Variants in TENM3 observed in about 807,000 individuals in gnomAD.
TENM3 encodes the protein teneurin transmembrane protein 3.
TENM3 carries 63 observed loss-of-function variants against 255.1 expected under a neutral mutation model. The ratio of observed to expected loss-of-function variants is 0.25; its 90% CI spans 0.20 to 0.30. The LOEUF (loss-of-function observed/expected upper bound fraction) is 0.30. TENM3 is among the 10% of genes least tolerant of loss of function. The pLI is 1.00. For missense variants in TENM3, 2,929 were observed against 3,461.1 expected (o/e 0.85, Z 3.86); for synonymous variants, 1,306 against 1,322.3 (o/e 0.99, Z 0.27).
chr4:181,549,968 G>T, the TENM3 span, among the ~76,000 whole-genome samples: 1 of 151,996 alleles, frequency 6.6e-6, no homozygotes, highest in African/African-American at 2.4e-5. Context: ...AAGATATAAT[G>T]GGTATAATGT....
At chr4:182,750,832 G>A (rs1003252000) in intron 19 of TENM3, among the ~76,000 whole-genome samples, 1 of 152,102 alleles carries the variant, frequency 6.6e-6, no homozygotes, top group African/African-American at 2.4e-5. Context: ...CGTCTTGGTT[G>A]GGACACCAAA....
At chr4:182,283,198 T>G (rs1378089910) in intron 1 of TENM3, among the ~76,000 whole-genome samples, 3 of 152,238 alleles carry the variant, frequency 2.0e-5, no homozygotes, top group African/African-American at 4.8e-5. Flanking sequence ...TGTGTAATAA[T>G]TACATGAATC....
intron 5 of TENM3, among the ~76,000 whole-genome samples, chr4:182,644,643 T>A (rs1752583008): frequency 6.6e-6 from 1 of 152,356 alleles, no homozygotes; most frequent in East Asian, 1.9e-4. Context: ...ATTTTACTGA[T>A]AAATCTTTAT....
the TENM3 span, among the ~76,000 whole-genome samples, chr4:181,620,272 A>AAAAAT: frequency 3.2e-3 from 345 of 109,098 alleles, 2 homozygotes; most frequent in African/African-American, 5.8e-3. Context: ...AAATAAAAAT[A>AAAAAT]AAAATAAAAT....
chr4:181,449,519 C>T, the TENM3 span, among the ~76,000 whole-genome samples: 2 of 152,192 alleles, frequency 1.3e-5, no homozygotes, highest in African/African-American at 4.8e-5. Context: ...TGTGGTGGCT[C>T]ACGCCTGTAA....
At chr4:181,627,811 C>T in the TENM3 span, among the ~76,000 whole-genome samples, 2 of 152,146 alleles carry the variant, frequency 1.3e-5, no homozygotes, top group Non-Finnish European at 2.9e-5. Flanking sequence ...GTGCATGTGC[C>T]ATTATGGCAG....
At chr4:181,484,067 T>G in the TENM3 span, among the ~76,000 whole-genome samples, 1 of 152,102 alleles carries the variant, frequency 6.6e-6, no homozygotes, top group African/African-American at 2.4e-5. Flanking sequence ...ACGATCTGAC[T>G]TGTGCTAAGA....
the TENM3 span, among the ~76,000 whole-genome samples, chr4:181,740,915 A>C: frequency 6.6e-6 from 1 of 152,348 alleles, no homozygotes; most frequent in Non-Finnish European, 1.5e-5. Flanking sequence ...CCCACTTAAA[A>C]AGAAAACCGT....
chr4:181,988,061 C>T, the TENM3 span, among the ~76,000 whole-genome samples: 3 of 151,888 alleles, frequency 2.0e-5, no homozygotes, highest in African/African-American at 7.3e-5. Context: ...ATTAAAACTC[C>T]CAGCCCAATT....
the TENM3 span, among the ~76,000 whole-genome samples, chr4:181,986,485 G>A: frequency 2.0e-4 from 30 of 152,084 alleles, no homozygotes; most frequent in South Asian, 2.7e-3. Context: ...TAGTGTTTCC[G>A]CATGATAATT....
At chr4:181,769,307 G>A in the TENM3 span, among the ~76,000 whole-genome samples, 5 of 152,146 alleles carry the variant, frequency 3.3e-5, no homozygotes, top group African/African-American at 7.2e-5. Context: ...TTCAGCTTCC[G>A]CATGCAAAGG....
At chr4:182,192,748 A>G (rs1753600190) in intron 1 of TENM3, among the ~76,000 whole-genome samples, 1 of 152,204 alleles carries the variant, frequency 6.6e-6, no homozygotes, top group Admixed American at 6.5e-5. Context: ...GGATGCAACC[A>G]ATCTAAATTG....
chr4:181,624,297 A>G, the TENM3 span, among the ~76,000 whole-genome samples: 6 of 152,232 alleles, frequency 3.9e-5, no homozygotes, highest in Non-Finnish European at 7.3e-5. Context: ...AAATGAAAAG[A>G]GAAAGGCGAA....
chr4:182,405,009 G>T (rs1769462975), intron 3 of TENM3, among the ~76,000 whole-genome samples: 2 of 152,072 alleles, frequency 1.3e-5, no homozygotes, highest in African/African-American at 4.8e-5. Flanking sequence ...AATGGCTGCT[G>T]AGGAACTTTA....
the TENM3 span, among the ~76,000 whole-genome samples, chr4:181,900,138 A>G: frequency 6.6e-6 from 1 of 152,152 alleles, no homozygotes; most frequent in Non-Finnish European, 1.5e-5. Context: ...TTTGAGGAAG[A>G]TCTTAAATCT....
chr4:182,666,450 A>T (rs1317231702), intron 6 of TENM3, among the ~76,000 whole-genome samples: 1 of 152,190 alleles, frequency 6.6e-6, no homozygotes, highest in African/African-American at 2.4e-5. Flanking sequence ...TGCCACAGAC[A>T]CTCCAACCTT....
At chr4:182,746,724 T>TA (rs938414011) in intron 19 of TENM3, among the ~76,000 whole-genome samples, 32 of 152,272 alleles carry the variant, frequency 2.1e-4, no homozygotes, top group African/African-American at 7.7e-4. Flanking sequence ...AGATGCTAGA[T>TA]ACCTAAAACA....
intron 12 of TENM3, among the ~76,000 whole-genome samples, chr4:182,690,196 T>C (rs1204601317): frequency 6.6e-6 from 1 of 152,210 alleles, no homozygotes; most frequent in African/African-American, 2.4e-5. Context: ...CTTCGCTTGT[T>C]GCATTGGAGC....
At chr4:182,651,443 C>G (rs1188984922) in intron 5 of TENM3, among the ~76,000 whole-genome samples, 1 of 152,082 alleles carries the variant, frequency 6.6e-6, no homozygotes, top group East Asian at 1.9e-4. Context: ...GTAATCCTAG[C>G]ACTTTGGGAG....
Sources: allele counts gnomAD v4.1 joint callset (sites outside exome capture counted in the v4.1 genomes callset), GRCh38; gene constraint gnomAD v4.1.1; transcripts MANE v1.5; gene names NCBI Gene and HGNC (gene_info 2026-07-23, HGNC 2026-07-21).